The following DAB1 variants were observed in gnomAD, a reference collection of about 807,000 sequenced individuals.
The protein encoded by DAB1 is disabled homolog 1.
Under a neutral mutation model 64.6 loss-of-function variants are expected in DAB1, and 15 were observed. The ratio of observed to expected loss-of-function variants is 0.23; its 90% CI spans 0.16 to 0.36. The LOEUF (loss-of-function observed/expected upper bound fraction) is 0.36. DAB1 is among the 10% of genes least tolerant of loss of function. The pLI is 1.00. For missense variants in DAB1, 596 were observed against 706.7 expected, an observed-to-expected ratio of 0.84 and a Z score of 1.78; for synonymous variants, 235 against 251.9, an observed-to-expected ratio of 0.93 and a Z score of 0.64.
intron 5 of DAB1, among the ~76,000 whole-genome samples, chr1:57,990,157 G>C (rs1646310322): frequency 6.6e-6 from 1 of 152,108 alleles, no homozygotes; most frequent in South Asian, 2.1e-4. Flanking sequence ...CCCAGGAAAT[G>C]GTGTCTAAGG....
chr1:58,134,356 C>T (rs1653819317), intron 5 of DAB1, among the ~76,000 whole-genome samples: 1 of 152,090 alleles, frequency 6.6e-6, no homozygotes, highest in Admixed American at 6.5e-5. Flanking sequence ...TTATAAGCCA[C>T]CAATCCCATA....
At chr1:57,475,068 C>T (rs191556087) in intron 7 of DAB1, among the ~76,000 whole-genome samples, 9 of 152,076 alleles carry the variant, frequency 5.9e-5, no homozygotes, top group Admixed American at 4.6e-4. Flanking sequence ...GAGACCAGTC[C>T]GTCCAACATG....
chr1:57,139,716 T>C (rs1410577483), intron 3 of DAB1, among the ~76,000 whole-genome samples: 1 of 152,104 alleles, frequency 6.6e-6, no homozygotes, highest in African/African-American at 2.4e-5. Context: ...CAAATAGCAA[T>C]TAATTCCTAG....
intron 3 of DAB1, among the ~76,000 whole-genome samples, chr1:58,387,822 T>G (rs338938): frequency 0.54 from 80,295 of 149,894 alleles, 21,925 homozygotes; most frequent in African/African-American, 0.64. Flanking sequence ...TGCCTCCCGG[T>G]TTTATGCCAT....
At position 57,325,953 on chromosome 1, in the gene DAB1, C is replaced by T. The variant is rs7543222; in HGVS notation, c.-136-34787G>A. 5.1e-3 allele frequency among the ~76,000 whole-genome samples: 783 copies of T among 152,210 alleles called. 9 individuals carry two copies. The highest frequency in any genetic ancestry group is 0.018 in the African/African-American group (750 of 41,524). On this transcript the variant is annotated intron_variant, in intron 1 of 14. Transcript: ENST00000371236. ...GGTTTCCTTGTTTCACAAATGAATT[C>T]GACTAAGTAATTGCTTGACTTCTTT...
At chr1:57,074,108 G>A (rs895993174) in intron 4 of DAB1, among the ~76,000 whole-genome samples, 3 of 151,978 alleles carry the variant, frequency 2.0e-5, no homozygotes, top group Non-Finnish European at 4.4e-5. Context: ...GGGCTCAAGC[G>A]ATCCACCTGC....
At chr1:57,408,414 C>G (rs990947410) in intron 1 of DAB1, among the ~76,000 whole-genome samples, 1 of 152,136 alleles carries the variant, frequency 6.6e-6, no homozygotes. Context: ...GGTGACTATT[C>G]CTACTCACGG....
intron 6 of DAB1, among the ~76,000 whole-genome samples, chr1:57,756,912 A>T (rs1405526186): frequency 6.6e-6 from 1 of 152,208 alleles, no homozygotes; most frequent in Admixed American, 6.5e-5. Context: ...GATGCTGAGC[A>T]GAATGGAAAA....
chr1:57,966,113 T>A (rs1645659137), intron 5 of DAB1, among the ~76,000 whole-genome samples: 1 of 152,206 alleles, frequency 6.6e-6, no homozygotes, highest in Non-Finnish European at 1.5e-5. Context: ...CAGTGTTATA[T>A]AAAGTAATGG....
intron 7 of DAB1, among the ~76,000 whole-genome samples, chr1:57,578,530 T>G (rs1645276998): frequency 6.6e-6 from 1 of 152,248 alleles, no homozygotes; most frequent in South Asian, 2.1e-4. Context: ...GCCTGGCCTC[T>G]GCCACTTATA....
intron 1 of DAB1, among the ~76,000 whole-genome samples, chr1:57,321,224 A>C (rs889854156): frequency 2.0e-5 from 3 of 152,188 alleles, no homozygotes; most frequent in African/African-American, 7.2e-5. Context: ...AATCCAAAAA[A>C]TGTATAGAAG....
At position 58,389,377 on chromosome 1, in the gene DAB1, G is replaced by C. The variant is rs1348982977; in HGVS notation, n.258-45974C>G. ...TGCTTCAGCCCAGGAGATCCAAGCT[G>C]CAGTAAGCTATGATCACACCACTGC... On this transcript the variant is annotated intron_variant and non_coding_transcript_variant, in intron 3 of 20. Transcript: ENST00000485760. Among the ~76,000 whole-genome samples the C allele has an allele frequency of 2.6e-5, 4 of 152,202 alleles. No individual in the cohort carries two copies. In the East Asian group the frequency reaches 7.7e-4, roughly 29 times the overall value.
chr1:58,056,560 C>G, intron 5 of DAB1: 1 of 805,218 alleles, frequency 1.2e-6, no homozygotes, highest in Non-Finnish European at 2.2e-6. Flanking sequence ...AACCTAACTC[C>G]CCCATTTTCT....
intron 3 of DAB1, among the ~76,000 whole-genome samples, chr1:58,443,218 G>A (rs1645031913): frequency 6.6e-6 from 1 of 152,146 alleles, no homozygotes; most frequent in Non-Finnish European, 1.5e-5. Flanking sequence ...CATACCATGG[G>A]TCCAGCAGAT....
At chr1:58,347,295 A>C (rs965101632) in intron 3 of DAB1, among the ~76,000 whole-genome samples, 4 of 152,108 alleles carry the variant, frequency 2.6e-5, no homozygotes, top group African/African-American at 9.7e-5. Context: ...TTTAGTAGAG[A>C]TGGTGTTTCA....
chr1:57,031,346 C>T (rs931983334), intron 9 of DAB1, among the ~76,000 whole-genome samples: 3 of 152,158 alleles, frequency 2.0e-5, no homozygotes, highest in Non-Finnish European at 4.4e-5. Context: ...TATTTGTAAG[C>T]TAATAAACCA....
At chr1:57,721,131 C>T (rs1355701249) in intron 6 of DAB1, among the ~76,000 whole-genome samples, 2 of 152,180 alleles carry the variant, frequency 1.3e-5, no homozygotes, top group African/African-American at 2.4e-5. Flanking sequence ...CAGTCAGCTT[C>T]CTCAAGCAAC....
chr1:58,292,170 G>A (rs1288910970), intron 4 of DAB1, among the ~76,000 whole-genome samples: 1 of 152,152 alleles, frequency 6.6e-6, no homozygotes, highest in Non-Finnish European at 1.5e-5. Flanking sequence ...GACTCAGGCT[G>A]AATTATATCC....
intron 2 of DAB1, among the ~76,000 whole-genome samples, chr1:58,518,533 T>C (rs1646209300): frequency 6.6e-6 from 1 of 151,816 alleles, no homozygotes; most frequent in Non-Finnish European, 1.5e-5. Flanking sequence ...AAGATGCTAG[T>C]ACTGGAGATG....
Sources: allele counts gnomAD v4.1 joint callset (sites outside exome capture counted in the v4.1 genomes callset), GRCh38; gene constraint gnomAD v4.1.1; transcripts MANE v1.5; gene names NCBI Gene and HGNC (gene_info 2026-07-23, HGNC 2026-07-21).